Variants in ARL15 observed in about 807,000 individuals in gnomAD.
The protein encoded by ARL15 is ARF like GTPase 15.
A neutral mutation model predicts 25.2 loss-of-function variants in ARL15; 19 were observed. The observed-to-expected ratio is 0.75, with a 90% CI of 0.53 to 1.10. The LOEUF is 1.10. ARL15 is among the 50% of genes least tolerant of loss of function. ARL15 has a pLI of 0.00. For synonymous variants in ARL15, 94 were observed against 86.8 expected (o/e 1.08, Z -0.46); for missense variants, 220 against 246.0 (o/e 0.89, Z 0.71).
rs1409432473 is a variant in ARL15 at position 53,983,566 on chromosome 5, T to C, written c.463-96853A>G. The stretch of plus-strand genomic sequence containing the variant: ...GTTCACTCCTGTTTCCCTATAACTG[T>C]TGCATTTTGACAATTTGCATTTTAT... On this transcript the variant is annotated intron_variant, in intron 4 of 4. Coordinates refer to ENST00000504924, the MANE Select transcript of ARL15 (RefSeq NM_019087.3). Among the ~76,000 whole-genome samples the C allele has an allele frequency of 2.6e-5, 4 of 152,224 alleles. No homozygotes were observed. In the South Asian group the frequency reaches 6.2e-4, roughly 24 times the overall value.
intron 4 of ARL15, among the ~76,000 whole-genome samples, chr5:53,936,289 A>C (rs1390922988): frequency 6.6e-6 from 1 of 152,168 alleles, no homozygotes; most frequent in Non-Finnish European, 1.5e-5. Flanking sequence ...TATCCTCACC[A>C]ACTTTATGAT....
At chr5:54,131,869 C>G (rs1753449175) in intron 3 of ARL15, among the ~76,000 whole-genome samples, 1 of 151,244 alleles carries the variant, frequency 6.6e-6, no homozygotes, top group Non-Finnish European at 1.5e-5. Flanking sequence ...CGCCACTGCA[C>G]TCCAGCCTGG....
intron 1 of ARL15, among the ~76,000 whole-genome samples, chr5:54,241,961 A>G (rs1756969705): frequency 6.6e-6 from 1 of 152,224 alleles, no homozygotes; most frequent in South Asian, 2.1e-4. Context: ...GTATAAAGGA[A>G]TAGCCTCACG....
At chr5:53,907,217 C>T (rs1299785163) in intron 4 of ARL15, among the ~76,000 whole-genome samples, 1 of 151,914 alleles carries the variant, frequency 6.6e-6, no homozygotes, top group Non-Finnish European at 1.5e-5. Flanking sequence ...CTATTCCTCC[C>T]ACATTCCATC....
At chr5:53,924,530 AGACTGAGAAT>A (rs977925473) in intron 4 of ARL15, among the ~76,000 whole-genome samples, 1 of 152,216 alleles carries the variant, frequency 6.6e-6, no homozygotes, top group Non-Finnish European at 1.5e-5. Context: ...ACAGCTAAGG[AGACTGAGAAT>A]GACTAAAGCC....
intron 4 of ARL15, among the ~76,000 whole-genome samples, chr5:53,890,755 G>A (rs1175253222): frequency 6.6e-6 from 1 of 152,270 alleles, no homozygotes; most frequent in East Asian, 1.9e-4. Context: ...GCATGACTGC[G>A]TTCCATTATT....
At position 54,225,153 on chromosome 5, in the gene ARL15, G is replaced by C. The variant is rs571081339; in HGVS notation, c.49-53225C>G. ...AAGGGTAGCATTTGGCACACAGTAG[G>C]TACTCAATTAAGATTCCCTGATTTT... is the stretch of plus-strand genomic sequence containing the variant. On this transcript the variant is annotated intron_variant, in intron 1 of 4. Transcript: ENST00000504924. Among the ~76,000 whole-genome samples the C allele has an allele frequency of 5.3e-5, 8 of 152,238 alleles. No individual in the cohort carries two copies. The South Asian group carries it at 1.7e-3, about 32-fold the overall frequency.
intron 1 of ARL15, among the ~76,000 whole-genome samples, chr5:54,301,206 C>T (rs993138792): frequency 6.6e-6 from 1 of 152,114 alleles, no homozygotes; most frequent in African/African-American, 2.4e-5. Flanking sequence ...TTTCATCGTA[C>T]AGGAGCATAA....
chr5:53,977,852 C>A (rs78292949), intron 4 of ARL15, among the ~76,000 whole-genome samples: 1 of 143,108 alleles, frequency 7.0e-6, no homozygotes, highest in Non-Finnish European at 1.5e-5. Flanking sequence ...GGTCCTCTGC[C>A]CCCCCGCCCC....
intron 4 of ARL15, among the ~76,000 whole-genome samples, chr5:54,077,078 G>A (rs1751633585): frequency 6.6e-6 from 1 of 152,126 alleles, no homozygotes; most frequent in Non-Finnish European, 1.5e-5. Context: ...GACTTAACAG[G>A]GAGAAATTAA....
chr5:54,114,695 T>C (rs1015052063), intron 3 of ARL15, among the ~76,000 whole-genome samples: 9 of 152,040 alleles, frequency 5.9e-5, no homozygotes, highest in East Asian at 5.8e-4. Context: ...AATCACAAAA[T>C]TGGGATTTGC....
chr5:54,163,373 T>G (rs1754473597), intron 2 of ARL15, among the ~76,000 whole-genome samples: 1 of 90,214 alleles, frequency 1.1e-5, no homozygotes, highest in African/African-American at 3.3e-5. Context: ...TTTTTTTTTT[T>G]TTTTTTTTTT....
chr5:53,895,133 G>A (rs2172526), intron 4 of ARL15, among the ~76,000 whole-genome samples: 3 of 152,170 alleles, frequency 2.0e-5, no homozygotes, highest in Non-Finnish European at 4.4e-5. Context: ...GCATTCTGTA[G>A]CCTTCTGCTT....
intron 4 of ARL15, among the ~76,000 whole-genome samples, chr5:54,001,271 G>A (rs1290340121): frequency 1.3e-5 from 2 of 152,002 alleles, no homozygotes; most frequent in Non-Finnish European, 2.9e-5. Flanking sequence ...ACACACCTTT[G>A]AGGGGAGAGC....
At chr5:54,222,709 G>A (rs993261744) in intron 1 of ARL15, among the ~76,000 whole-genome samples, 1 of 152,172 alleles carries the variant, frequency 6.6e-6, no homozygotes, top group South Asian at 2.1e-4. Context: ...AGGAGCAGTA[G>A]GAAACTGTTC....
intron 4 of ARL15, among the ~76,000 whole-genome samples, chr5:53,980,267 C>T (rs7713994): frequency 0.026 from 3,925 of 152,292 alleles, 197 homozygotes; most frequent in African/African-American, 0.089. Context: ...TTTTAAGTAG[C>T]ATCAAAGCAG....
intron 4 of ARL15, among the ~76,000 whole-genome samples, chr5:53,903,656 G>A (rs1212120193): frequency 6.6e-6 from 1 of 152,204 alleles, no homozygotes; most frequent in Non-Finnish European, 1.5e-5. Context: ...CTGGAACCAG[G>A]AGATTTAGAA....
chr5:54,163,355 G>GTTTTTTTTTTTTTTTTTTTTTTTTTTT lies in ARL15; in HGVS notation c.193+8428_193+8429insAAAAAAAAAAAAAAAAAAAAAAAAAAA, dbSNP rs1754465268. On this transcript the variant is annotated intron_variant, in intron 2 of 4. Coordinates refer to ENST00000504924, the MANE Select transcript of ARL15 (RefSeq NM_019087.3). Reference sequence around the variant, plus strand: ...TGTCCATGAGGGCTATTGGTATGAAGCTTTTTTTTTTTTTTTTTTTTTTTT... The same window carrying GTTTTTTTTTTTTTTTTTTTTTTTTTTT: ...TGTCCATGAGGGCTATTGGTATGAAGTTTTTTTTTTTTTTTTTTTTTTTTTTTCTTTTTTTTTTTTTTTTTTTTTTTT... Among the ~76,000 whole-genome samples, 64 of 51,342 alleles carry GTTTTTTTTTTTTTTTTTTTTTTTTTTT rather than the reference G, an allele frequency of 1.2e-3. 31 individuals are homozygous for GTTTTTTTTTTTTTTTTTTTTTTTTTTT. Among genetic ancestry groups the GTTTTTTTTTTTTTTTTTTTTTTTTTTT allele is most frequent in the African/African-American group, 2.9e-3 (35 of 12,068 alleles). 33.7% of individuals were successfully genotyped at this position (51,342 alleles called of 152,430 possible).
intron 1 of ARL15, among the ~76,000 whole-genome samples, chr5:54,269,063 A>G (rs42459): frequency 1 from 150,105 of 150,152 alleles, 75,029 homozygotes; most frequent in Middle Eastern, 1. Context: ...ACACTCTGGG[A>G]ACTGTTGTGG....
Sources: allele counts gnomAD v4.1 joint callset (sites outside exome capture counted in the v4.1 genomes callset), GRCh38; gene constraint gnomAD v4.1.1; transcripts MANE v1.5; gene names NCBI Gene and HGNC (gene_info 2026-07-23, HGNC 2026-07-21).